USP34: variants seen among roughly 807,000 people sequenced by gnomAD.
The protein encoded by USP34 is ubiquitin carboxyl-terminal hydrolase 34.
A neutral mutation model predicts 460.3 loss-of-function variants in USP34; 70 were observed. The observed-to-expected ratio is 0.15, with a 90% CI of 0.13 to 0.19. The LOEUF (loss-of-function observed/expected upper bound fraction) is 0.19. Ranked by LOEUF, USP34 falls within the 10% of genes least tolerant of loss-of-function variation. The probability of loss-of-function intolerance (pLI) is 1.00; values close to 1 mark genes in which losing one functional copy is unlikely to be tolerated. For synonymous variants in USP34, 1,647 were observed against 1,405.3 expected, an observed-to-expected ratio of 1.17 and a Z score of -3.85; for missense variants, 3,985 against 4,236.2, an observed-to-expected ratio of 0.94 and a Z score of 1.65.
At chr2:61,204,711 C>CTAAA in intron 72 of USP34, 110 bp from the exon 73 acceptor site, 1 of 810,514 alleles carries the variant, frequency 1.2e-6, no homozygotes. Context: ...TTTAATGAGT[C>CTAAA]TAAAACTAAG....
At chr2:61,379,925 A>C (rs2103861666) in intron 7 of USP34, among the ~76,000 whole-genome samples, 1 of 152,388 alleles carries the variant, frequency 6.6e-6, no homozygotes, top group Non-Finnish European at 1.5e-5. Flanking sequence ...GACAGAAACA[A>C]AATGATGAAA....
intron 13 of USP34, 33 bp from the exon 14 acceptor site, chr2:61,348,919 A>T (rs1304582431): frequency 6.3e-7 from 1 of 1,578,080 alleles, no homozygotes; most frequent in African/African-American, 1.4e-5. Flanking sequence ...TTTTACTTCT[A>T]ATTTATATTA....
At chr2:61,327,342 T>C (rs1007210125) in intron 20 of USP34, among the ~76,000 whole-genome samples, 2 of 152,128 alleles carry the variant, frequency 1.3e-5, no homozygotes, top group Non-Finnish European at 2.9e-5. Flanking sequence ...TGACGAGATG[T>C]AGGGGAGAGG....
intron 67 of USP34, among the ~76,000 whole-genome samples, chr2:61,216,691 G>C (rs904409482): frequency 6.6e-6 from 1 of 152,004 alleles, no homozygotes; most frequent in Non-Finnish European, 1.5e-5. Context: ...GGCCAAGGCG[G>C]GCAGATCATC....
chr2:61,457,162 G>C (rs1273922886), intron 1 of USP34, among the ~76,000 whole-genome samples: 1 of 152,188 alleles, frequency 6.6e-6, no homozygotes, highest in Admixed American at 6.6e-5. Context: ...TATAGTCCCA[G>C]CTACTCAGGT....
rs899918153 is a variant in USP34 at position 61,309,702 on chromosome 2, C to T, written c.3817+1838G>A. Among the ~76,000 whole-genome samples the T allele has an allele frequency of 2.0e-5, 3 of 152,280 alleles. No individual in the cohort carries two copies. In the East Asian group the frequency reaches 5.8e-4, roughly 29 times the overall value. On this transcript the variant is annotated intron_variant, in intron 27 of 79. Coordinates refer to ENST00000398571, the MANE Select transcript of USP34 (RefSeq NM_014709.4). The stretch of plus-strand genomic sequence containing the variant: ...AAAGAAGAAATTCTGCTTTGATCTA[C>T]TCCTGAGAGTTATGGTAGATCATGA...
chr2:61,230,552 A>G (rs1056014855), intron 58 of USP34, among the ~76,000 whole-genome samples: 3 of 152,002 alleles, frequency 2.0e-5, no homozygotes, highest in Non-Finnish European at 2.9e-5. Flanking sequence ...CCAACCAAAC[A>G]AAAAACACCA....
chr2:61,469,692 T>C (rs1202199516), intron 1 of USP34, among the ~76,000 whole-genome samples: 1 of 152,126 alleles, frequency 6.6e-6, no homozygotes, highest in East Asian at 1.9e-4. Flanking sequence ...AGAATACAAA[T>C]CCAAAACCCA....
At chr2:61,257,374 C>G (rs1688747763) in intron 44 of USP34, 24 bp from the exon 45 acceptor site, 1 of 1,536,544 alleles carries the variant, frequency 6.5e-7, no homozygotes, top group Non-Finnish European at 8.7e-7. Flanking sequence ...GGGGAACATT[C>G]TAAGTGTCAG....
At chr2:61,331,501 CGTTTT>C in intron 19 of USP34, 130 bp from the exon 20 acceptor site, 1 of 592,874 alleles carries the variant, frequency 1.7e-6, no homozygotes, top group Non-Finnish European at 2.6e-6. Flanking sequence ...AAAATATACA[CGTTTT>C]ATTTATATTT....
At chr2:61,421,395 A>G (rs1295409659) in intron 1 of USP34, among the ~76,000 whole-genome samples, 2 of 152,226 alleles carry the variant, frequency 1.3e-5, no homozygotes, top group African/African-American at 4.8e-5. Context: ...AGGAAGCTTG[A>G]GAACATTCAG....
At chr2:61,312,089 CATA>C (rs1016886289) in intron 25 of USP34, among the ~76,000 whole-genome samples, 179 bp from the exon 26 acceptor site, 11 of 151,494 alleles carry the variant, frequency 7.3e-5, no homozygotes, top group Non-Finnish European at 1.5e-4. Flanking sequence ...AACGTAACTG[CATA>C]ATAACAGCTA....
chr2:61,267,473 C>T (rs1361405947), intron 41 of USP34, among the ~76,000 whole-genome samples: 3 of 149,366 alleles, frequency 2.0e-5, no homozygotes, highest in Admixed American at 6.7e-5. Context: ...GACAGAATCT[C>T]ACTCTGTCAC....
chr2:61,319,305 G>A lies in USP34; in HGVS notation c.3036C>T (p.Asp1012=). Residue 1012 remains aspartate (D), a synonymous_variant, in exon 22 of 80, where the codon GAC becomes GAT. Transcript: ENST00000398571. ...CTTCTACTAAACAATGCCATAAGAT[G>A]TCAACTTGCTCTAAACTTAACCCTA... ...DHFRLSLEQV[D]ILWHCLVEDS... 6.4e-7 allele frequency: 1 copy of A among 1,563,328 alleles called. No individual in the cohort carries two copies. The highest frequency in any genetic ancestry group is 2.2e-5 in the Admixed American group (1 of 46,306).
intron 1 of USP34, among the ~76,000 whole-genome samples, chr2:61,464,424 G>C (rs1170319261): frequency 6.6e-6 from 1 of 152,230 alleles, no homozygotes; most frequent in Non-Finnish European, 1.5e-5. Flanking sequence ...GTTGACAGGT[G>C]ATCTTGGCAA....
chr2:61,264,450 C>T (rs544313594), intron 43 of USP34, among the ~76,000 whole-genome samples: 1 of 146,942 alleles, frequency 6.8e-6, no homozygotes, highest in African/African-American at 2.7e-5. Flanking sequence ...GCCTGGGCAA[C>T]ACAGTGAGAC....
At chr2:61,324,433 C>A (rs1332629555) in intron 21 of USP34, among the ~76,000 whole-genome samples, 1 of 152,066 alleles carries the variant, frequency 6.6e-6, no homozygotes, top group Non-Finnish European at 1.5e-5. Context: ...ATAAATAATA[C>A]CTATCTCCAA....
At chr2:61,393,636 A>G (rs1307581402) in intron 5 of USP34, among the ~76,000 whole-genome samples, 1 of 152,120 alleles carries the variant, frequency 6.6e-6, no homozygotes, top group East Asian at 1.9e-4. Flanking sequence ...AATGCAACAA[A>G]ATATTTGGTT....
At chr2:61,444,961 T>C (rs149208462) in intron 1 of USP34, among the ~76,000 whole-genome samples, 225 of 150,340 alleles carry the variant, frequency 1.5e-3, no homozygotes, top group Admixed American at 3.4e-3. Context: ...AAAAAACTTA[T>C]CTTCAAAGAA....
Sources: allele counts gnomAD v4.1 joint callset (sites outside exome capture counted in the v4.1 genomes callset), GRCh38; gene constraint gnomAD v4.1.1; transcripts MANE v1.5; gene names NCBI Gene and HGNC (gene_info 2026-07-23, HGNC 2026-07-21).